The following ROS1 variants were observed in gnomAD, a reference collection of about 807,000 sequenced individuals.
ROS1 encodes the protein ROS proto-oncogene 1, receptor tyrosine kinase, also known as proto-oncogene tyrosine-protein kinase ROS.
ROS1 carries 263 observed loss-of-function variants against 273.5 expected under a neutral mutation model. The observed-to-expected ratio is 0.96, with a 90% CI of 0.87 to 1.06. ROS1 has a LOEUF of 1.06. Among genes scored for constraint, ROS1 ranks in the 50% least tolerant of loss-of-function variants. ROS1 has a pLI of 0.00. For synonymous variants in ROS1, 1,008 were observed against 954.1 expected (o/e 1.06, Z -1.04); for missense variants, 2,833 against 2,751.1 (o/e 1.03, Z -0.67).
intron 35 of ROS1, among the ~76,000 whole-genome samples, chr6:117,322,279 C>T (rs1342574379): frequency 6.6e-6 from 1 of 152,104 alleles, no homozygotes; most frequent in Non-Finnish European, 1.5e-5. Flanking sequence ...CTCACCACCT[C>T]GCTTCACTTT....
At chr6:117,399,988 A>G (rs759640262) in intron 7 of ROS1, among the ~76,000 whole-genome samples, 6 of 152,232 alleles carry the variant, frequency 3.9e-5, no homozygotes, top group Admixed American at 3.3e-4. Context: ...TAAATAAAGT[A>G]CAAACTCCTT....
intron 39 of ROS1, among the ~76,000 whole-genome samples, chr6:117,313,580 A>T (rs1371475114): frequency 1.3e-5 from 2 of 152,124 alleles, no homozygotes; most frequent in African/African-American, 4.8e-5. Context: ...CCAAAAAAAA[A>T]AAAAAGTTAA....
At chr6:117,355,320 A>G (rs1239865113) in intron 26 of ROS1, among the ~76,000 whole-genome samples, 2 of 152,240 alleles carry the variant, frequency 1.3e-5, no homozygotes, top group Non-Finnish European at 2.9e-5. Context: ...TAATGATAGG[A>G]ATTGTTTCTA....
intron 27 of ROS1, among the ~76,000 whole-genome samples, chr6:117,345,203 T>C (rs1451523995): frequency 6.6e-6 from 1 of 152,230 alleles, no homozygotes; most frequent in Non-Finnish European, 1.5e-5. Flanking sequence ...ATCTACACAC[T>C]GCAGGACTTC....
Position 117,292,825 on chromosome 6 carries a change from G to A in ROS1, c.6716-4023C>T, listed in dbSNP as rs182455537. 2.4e-3 allele frequency among the ~76,000 whole-genome samples: 370 copies of A among 152,268 alleles called. 7 individuals are homozygous for A. Among genetic ancestry groups the A allele is most frequent in the Non-Finnish European group, 6.8e-4 (46 of 68,018 alleles). ...TTTTACGCACTTAGTTGCCAAGTCC[G>A]ATAGCATCTACCTCTGTGGTAACTC... On this transcript the variant is annotated intron_variant, in intron 43 of 43. Coordinates refer to ENST00000368507, the MANE Select transcript of ROS1 (RefSeq NM_001378902.1).
chr6:117,315,199 A>C (rs1261284307), intron 39 of ROS1, among the ~76,000 whole-genome samples: 1 of 152,156 alleles, frequency 6.6e-6, no homozygotes, highest in African/African-American at 2.4e-5. Context: ...AAAGTTGAGG[A>C]AGTCTATCAC....
rs957371738 is a variant in ROS1, at chr6:117,287,663, C to G, written c.*829G>C. Among the ~76,000 whole-genome samples the G allele has an allele frequency of 3.9e-5, 6 of 152,178 alleles. No homozygotes were observed. ...ATCGGCTAGGCATGGTGGCTCACAC[C>G]TGTAATCCAGCACTTTGGGAGGCCA... On this transcript the variant is annotated 3_prime_UTR_variant, in exon 44 of 44. Transcript: ENST00000368507.
In ROS1 at chr6:117,321,243, G is replaced by T. The variant is rs201305494; in HGVS notation, c.5759+16C>A. 9.8e-4 allele frequency: 1,580 copies of T among 1,609,016 alleles called. 1 individual carries two copies. The highest frequency in any genetic ancestry group is 1.6e-3 in the South Asian group (142 of 90,004). ...CTTTGCCTAGGTGCTCCATAATGATGGCCAAAGCTACATACTGTATTGCAT... is the reference window on the plus strand; with the variant it reads ...CTTTGCCTAGGTGCTCCATAATGATTGCCAAAGCTACATACTGTATTGCAT... On this transcript the variant is annotated intron_variant, in intron 36 of 43. Coordinates refer to ENST00000368507, the MANE Select transcript of ROS1 (RefSeq NM_001378902.1).
chr6:117,309,417 A>G (rs1022823593), intron 41 of ROS1, among the ~76,000 whole-genome samples: 2 of 152,184 alleles, frequency 1.3e-5, no homozygotes, highest in African/African-American at 4.8e-5. Flanking sequence ...CCAAAGGGTG[A>G]GCACAAAAAC....
intron 32 of ROS1, among the ~76,000 whole-genome samples, chr6:117,333,146 A>C (rs542994761): frequency 6.6e-6 from 1 of 151,790 alleles, no homozygotes; most frequent in Non-Finnish European, 1.5e-5. Flanking sequence ...AAATAGACAC[A>C]AAAAAAATGA....
intron 11 of ROS1, 69 bp downstream of exon 11, chr6:117,394,093 T>A: frequency 2.9e-6 from 3 of 1,025,744 alleles, no homozygotes; most frequent in Non-Finnish European, 4.2e-6. Context: ...TGTTTAGTAT[T>A]AAATATACCA....
At chr6:117,408,367 GA>G (rs1774598899) in intron 5 of ROS1, among the ~76,000 whole-genome samples, 1 of 151,878 alleles carries the variant, frequency 6.6e-6, no homozygotes, top group South Asian at 2.1e-4. Flanking sequence ...AAATTTACAA[GA>G]AAAAAACAAA....
At position 117,415,275 on chromosome 6, in the gene ROS1, G is replaced by A. The variant is rs117156814; in HGVS notation, c.229-730C>T. 9.4e-3 allele frequency among the ~76,000 whole-genome samples: 1,433 copies of A among 152,274 alleles called. 14 individuals carry two copies. Among genetic ancestry groups the A allele is most frequent in the Middle Eastern group, 0.054 (16 of 294 alleles). The stretch of plus-strand genomic sequence containing the variant: ...AGTCACAAATGTGAGAGTGGGCATA[G>A]GTAACTGCTATAATAGAACTTTGCA... On this transcript the variant is annotated intron_variant, in intron 3 of 43. Coordinates refer to ENST00000368507, the MANE Select transcript of ROS1 (RefSeq NM_001378902.1).
intron 43 of ROS1, among the ~76,000 whole-genome samples, chr6:117,300,416 G>T (rs1420794705): frequency 6.6e-6 from 1 of 151,906 alleles, no homozygotes; most frequent in African/African-American, 2.4e-5. Flanking sequence ...AGTGCTTAAT[G>T]AAAACAGAAA....
chr6:117,370,590 A>G (rs1299468436), intron 18 of ROS1, among the ~76,000 whole-genome samples: 2 of 152,214 alleles, frequency 1.3e-5, no homozygotes, highest in African/African-American at 4.8e-5. Flanking sequence ...TATTTAAACA[A>G]GTAGAAGTAA....
At chr6:117,341,809 C>G (rs562520605) in intron 29 of ROS1, among the ~76,000 whole-genome samples, 177 bp from the exon 30 acceptor site, 37 of 152,198 alleles carry the variant, frequency 2.4e-4, no homozygotes, top group Non-Finnish European at 4.4e-4. Flanking sequence ...CTAAAAGGCT[C>G]CCACTTATTT....
chr6:117,372,964 T>C (rs1034834369), intron 18 of ROS1, among the ~76,000 whole-genome samples: 1 of 152,322 alleles, frequency 6.6e-6, no homozygotes, highest in East Asian at 1.9e-4. Context: ...AGAGAGCTGA[T>C]TGGTCCGTTT....
intron 7 of ROS1, among the ~76,000 whole-genome samples, chr6:117,401,960 C>A (rs908038110): frequency 1.3e-5 from 2 of 152,178 alleles, no homozygotes; most frequent in Non-Finnish European, 2.9e-5. Context: ...ACTACCACCC[C>A]TGGGCCTCTC....
At position 117,321,242 on chromosome 6, in the gene ROS1, T is replaced by C. The variant is rs758199104; in HGVS notation, c.5759+17A>G. 7 of 1,608,596 alleles carry C rather than the reference T, an allele frequency of 4.4e-6. No individual in the cohort carries two copies. In the South Asian group the frequency reaches 4.4e-5, roughly 10 times the overall value. On this transcript the variant is annotated intron_variant, in intron 36 of 43. Transcript: ENST00000368507. Reference sequence around the variant, plus strand: ...CCTTTGCCTAGGTGCTCCATAATGATGGCCAAAGCTACATACTGTATTGCA... The same window carrying C: ...CCTTTGCCTAGGTGCTCCATAATGACGGCCAAAGCTACATACTGTATTGCA...
Sources: allele counts gnomAD v4.1 joint callset (sites outside exome capture counted in the v4.1 genomes callset), GRCh38; gene constraint gnomAD v4.1.1; transcripts MANE v1.5; gene names NCBI Gene and HGNC (gene_info 2026-07-23, HGNC 2026-07-21).